GSTO2: variants seen among roughly 807,000 people sequenced by gnomAD.
The protein encoded by GSTO2 is glutathione S-transferase omega 2.
A neutral mutation model predicts 28.4 loss-of-function variants in GSTO2; 23 were observed. The ratio of observed to expected loss-of-function variants is 0.81; its 90% CI spans 0.58 to 1.15. The LOEUF (loss-of-function observed/expected upper bound fraction) is 1.15. GSTO2 is among the 50% of genes most tolerant of loss of function. The pLI, the probability that GSTO2 is intolerant of heterozygous loss-of-function variation, is 0.00. For missense variants in GSTO2, 298 were observed against 297.8 expected (o/e 1.00, Z 0.00); for synonymous variants, 109 against 111.0 (o/e 0.98, Z 0.11).
At position 104,301,790 on chromosome 10, in the gene GSTO2, G is replaced by A. The variant is rs2013263942; in HGVS notation, c.*2506G>A. The A allele has an allele frequency of 6.6e-6, 1 of 152,098 alleles. No homozygotes were observed. Among genetic ancestry groups the A allele is most frequent in the Non-Finnish European group, 1.5e-5 (1 of 68,044 alleles). The allele number at this position is 152,098 out of a possible 1,614,324, so 9.4% of individuals were successfully genotyped here. ...GATGGGGTTTCGCTATGTTGACCAG[G>A]CTGGTCTTGAACTCCTGGCTTCAAG... On this transcript the variant is annotated 3_prime_UTR_variant, in exon 7 of 7. Coordinates refer to ENST00000338595, the MANE Select transcript of GSTO2 (RefSeq NM_183239.2).
At chr10:104,285,017 C>T (rs545230523) in intron 5 of GSTO2, among the ~76,000 whole-genome samples, 3 of 152,240 alleles carry the variant, frequency 2.0e-5, no homozygotes, top group East Asian at 1.9e-4. Context: ...CTGAAGCCTT[C>T]GTCTGCCCGT....
Position 104,274,772 on chromosome 10 carries a change from C to A in GSTO2, c.-144C>A. On this transcript the variant is annotated 5_prime_UTR_variant, in exon 2 of 7. Transcript: ENST00000338595. Reference sequence around the variant, plus strand: ...TGCTCCAGATCGCTTCCCCGTGCCCCGCCAGAGCCCAGTAGTTCAAAAATT... The same window carrying A: ...TGCTCCAGATCGCTTCCCCGTGCCCAGCCAGAGCCCAGTAGTTCAAAAATT... The A allele has an allele frequency of 1.0e-6, 1 of 996,848 alleles. No individual in the cohort carries two copies. Among genetic ancestry groups the A allele is most frequent in the Non-Finnish European group, 1.5e-6 (1 of 659,278 alleles). The allele number at this position is 996,848 out of a possible 1,614,324, so 61.8% of individuals were successfully genotyped here.
Position 104,278,228 on chromosome 10 carries a change from A to G in GSTO2, c.366+112A>G, listed in dbSNP as rs1290308062. On this transcript the variant is annotated intron_variant, in intron 4 of 6. Coordinates refer to ENST00000338595, the MANE Select transcript of GSTO2 (RefSeq NM_183239.2). ...GGTGAAACTGTTTTGTTTTGATACC[A>G]TGTGATCCTCAGGAGATTAGCTAGC... 5.2e-6 allele frequency: 4 copies of G among 775,964 alleles called. No individual in the cohort carries two copies. The Admixed American group carries it at 6.6e-5, about 13-fold the overall frequency. 48.1% of individuals were successfully genotyped at this position (775,964 alleles called of 1,614,324 possible). A position where few individuals can be genotyped will look rare whatever the true frequency, so the allele number is the denominator to read the frequency against.
At chr10:104,280,200 T>C (rs185897542) in intron 5 of GSTO2, among the ~76,000 whole-genome samples, 1 of 133,668 alleles carries the variant, frequency 7.5e-6, no homozygotes, top group Non-Finnish European at 1.6e-5. Context: ...AAGCCAGAGG[T>C]AGGCAGTTCA....
chr10:104,283,041 G>T (rs1302796086), intron 5 of GSTO2, among the ~76,000 whole-genome samples: 1 of 152,132 alleles, frequency 6.6e-6, no homozygotes, highest in Non-Finnish European at 1.5e-5. Flanking sequence ...TGATTTGGGT[G>T]GTGTAAACAC....
intron 6 of GSTO2, among the ~76,000 whole-genome samples, chr10:104,298,011 G>A (rs1426460482): frequency 6.6e-6 from 1 of 152,136 alleles, no homozygotes; most frequent in African/African-American, 2.4e-5. Flanking sequence ...AGTGCCCAAC[G>A]CCTCCACCTG....
chr10:104,273,353 C>T (rs2011500127), intron 1 of GSTO2, among the ~76,000 whole-genome samples: 1 of 152,204 alleles, frequency 6.6e-6, no homozygotes, highest in Admixed American at 6.5e-5. Flanking sequence ...AACATTTTTG[C>T]CATTCCCTGA....
chr10:104,274,990 G>A lies in GSTO2; in HGVS notation c.34+41G>A, dbSNP rs1169519204. On this transcript the variant is annotated intron_variant, in intron 2 of 6. Transcript: ENST00000338595. ...GGGGTCCGCGAGCTGGGGGCGCCGC[G>A]TGACAGAAAATGTTGGCTTCGGCGG... 15 of 1,562,502 alleles carry A rather than the reference G, an allele frequency of 9.6e-6. No individual in the cohort carries two copies. The African/African-American group carries it at 2.0e-4, about 20-fold the overall frequency.
rs776381747 is a variant in GSTO2 at position 104,303,031 on chromosome 10, A to T, written c.*3747A>T. 4.6e-5 allele frequency: 7 copies of T among 152,154 alleles called. No individual in the cohort carries two copies. The highest frequency in any genetic ancestry group is 7.2e-5 in the African/African-American group (3 of 41,424). 9.4% of individuals were successfully genotyped at this position (152,154 alleles called of 1,614,324 possible). On this transcript the variant is annotated 3_prime_UTR_variant, in exon 7 of 7. Transcript: ENST00000338595. ...GTAAACATGCGTCATGGGGTTTGTT[A>T]TGCAGATTATTTCATCACCTAGATA...
At chr10:104,286,101 TA>T (rs2012405557) in intron 5 of GSTO2, 1 of 174,348 alleles carries the variant, frequency 5.7e-6, no homozygotes, top group Admixed American at 5.9e-5. Context: ...TATTGAGATA[TA>T]ATTCATATGC....
chr10:104,285,441 C>G (rs1294074174), intron 5 of GSTO2, among the ~76,000 whole-genome samples: 1 of 151,228 alleles, frequency 6.6e-6, no homozygotes, highest in Admixed American at 6.6e-5. Flanking sequence ...CCTCCGTTAT[C>G]TTAATTATTA....
intron 1 of GSTO2, among the ~76,000 whole-genome samples, chr10:104,269,710 AATAAT>A (rs2011294421): frequency 6.6e-6 from 1 of 152,326 alleles, no homozygotes; most frequent in South Asian, 2.1e-4. Flanking sequence ...ATAATCATAA[AATAAT>A]AATAGCTAAT....
intron 5 of GSTO2, 97 bp from the exon 6 acceptor site, chr10:104,297,481 C>T (rs983513814): frequency 1.4e-6 from 1 of 739,200 alleles, no homozygotes. Context: ...CCTCAGTTCT[C>T]CCTCTCTGGG....
In GSTO2 at chr10:104,304,285, TG is replaced by T. The variant is rs1003127897; in HGVS notation, c.*5002del. 6.6e-6 allele frequency: 1 copy of T among 152,264 alleles called. No individual in the cohort carries two copies. The highest frequency in any genetic ancestry group is 1.5e-5 in the Non-Finnish European group (1 of 68,046). The allele number at this position is 152,264 out of a possible 1,614,324, so 9.4% of individuals were successfully genotyped here. A position where few individuals can be genotyped will look rare whatever the true frequency, so the allele number is the denominator to read the frequency against. On this transcript the variant is annotated 3_prime_UTR_variant, in exon 7 of 7. Coordinates refer to ENST00000338595, the MANE Select transcript of GSTO2 (RefSeq NM_183239.2). ...TCAAACATTTTTCTCTCATCTGGCCTGTTAGCGCTCTTGAGCCTTTGAAAAT... is the reference window on the plus strand; with the variant it reads ...TCAAACATTTTTCTCTCATCTGGCCTTTAGCGCTCTTGAGCCTTTGAAAAT...
At chr10:104,271,851 G>A (rs2011423544) in intron 1 of GSTO2, among the ~76,000 whole-genome samples, 1 of 152,178 alleles carries the variant, frequency 6.6e-6, no homozygotes, top group Non-Finnish European at 1.5e-5. Flanking sequence ...TTTACAAATG[G>A]AATTCCCAGT....
rs1179235309 is a variant in GSTO2 at position 104,303,798 on chromosome 10, C to T, written c.*4514C>T. On this transcript the variant is annotated 3_prime_UTR_variant, in exon 7 of 7. Coordinates refer to ENST00000338595, the MANE Select transcript of GSTO2 (RefSeq NM_183239.2). ...TCAGAGGCCTAGGAGGACAGAATGACTCTGAGTATTAAAGTAGATTTAATC... is the reference window on the plus strand; with the variant it reads ...TCAGAGGCCTAGGAGGACAGAATGATTCTGAGTATTAAAGTAGATTTAATC... The T allele has an allele frequency of 6.6e-6, 1 of 152,200 alleles. No homozygotes were observed. The highest frequency in any genetic ancestry group is 2.4e-5 in the African/African-American group (1 of 41,452). The allele number at this position is 152,200 out of a possible 1,614,324, so 9.4% of individuals were successfully genotyped here.
Position 104,302,698 on chromosome 10 carries a change from T to C in GSTO2, c.*3414T>C, listed in dbSNP as rs1053988322. ...TTGGATCATGGGGGTAGATTTCTCA[T>C]GAATGGTTTAGCACCATTCTCTTGG... On this transcript the variant is annotated 3_prime_UTR_variant, in exon 7 of 7. Coordinates refer to ENST00000338595, the MANE Select transcript of GSTO2 (RefSeq NM_183239.2). The C allele has an allele frequency of 3.3e-5, 5 of 152,254 alleles. No homozygotes were observed. The highest frequency in any genetic ancestry group is 1.2e-4 in the African/African-American group (5 of 41,464). 9.4% of individuals were successfully genotyped at this position (152,254 alleles called of 1,614,324 possible).
chr10:104,276,519 A>G (rs2011640673), intron 3 of GSTO2, among the ~76,000 whole-genome samples: 1 of 152,250 alleles, frequency 6.6e-6, no homozygotes, highest in African/African-American at 2.4e-5. Context: ...ATTCAATGAC[A>G]GTAGAGTCCC....
chr10:104,297,822 T>G (rs2013116711), intron 6 of GSTO2, 138 bp downstream of exon 6: 1 of 588,194 alleles, frequency 1.7e-6, no homozygotes, highest in African/African-American at 1.9e-5. Context: ...CAGTGTGTGC[T>G]TCCTTGTTAA....
Sources: allele counts gnomAD v4.1 joint callset (sites outside exome capture counted in the v4.1 genomes callset), GRCh38; gene constraint gnomAD v4.1.1; transcripts MANE v1.5; gene names NCBI Gene and HGNC (gene_info 2026-07-23, HGNC 2026-07-21).